MAP7: variants seen among roughly 807,000 people sequenced by gnomAD.
MAP7 encodes microtubule associated protein 7, also known as ensconsin.
A neutral mutation model predicts 94.8 loss-of-function variants in MAP7; 52 were observed. The observed-to-expected ratio is 0.55, with a 90% CI of 0.44 to 0.69. MAP7 has a LOEUF of 0.69. Among genes scored for constraint, MAP7 ranks in the 30% least tolerant of loss-of-function variants. The probability of loss-of-function intolerance (pLI) is 0.00; values close to 1 mark genes in which losing one functional copy is unlikely to be tolerated. For synonymous variants in MAP7, 350 were observed against 357.0 expected, an observed-to-expected ratio of 0.98 and a Z score of 0.22; for missense variants, 940 against 964.6, an observed-to-expected ratio of 0.97 and a Z score of 0.34.
chr6:136,374,469 G>A (rs925723798), intron 7 of MAP7, among the ~76,000 whole-genome samples: 8 of 152,198 alleles, frequency 5.3e-5, no homozygotes, highest in African/African-American at 1.9e-4. Flanking sequence ...GGGCACAGCC[G>A]GAGGCCATTC....
At chr6:136,529,205 C>T (rs1400983438) in intron 1 of MAP7, among the ~76,000 whole-genome samples, 2 of 152,140 alleles carry the variant, frequency 1.3e-5, no homozygotes, top group African/African-American at 2.4e-5. Flanking sequence ...ACCTCCACCT[C>T]GCGGGTTCAA....
intron 1 of MAP7, among the ~76,000 whole-genome samples, chr6:136,512,254 T>G (rs1231586998): frequency 6.6e-6 from 1 of 152,230 alleles, no homozygotes; most frequent in Non-Finnish European, 1.5e-5. Flanking sequence ...AGGAACCAGA[T>G]TTGGGCTTCT....
At chr6:136,482,865 G>A (rs571373523) in intron 1 of MAP7, among the ~76,000 whole-genome samples, 25 of 152,154 alleles carry the variant, frequency 1.6e-4, no homozygotes, top group Middle Eastern at 3.4e-3. Context: ...TTTGCTTTTT[G>A]CTCCAGAACT....
At chr6:136,351,823 T>C (rs1789292748) in intron 16 of MAP7, among the ~76,000 whole-genome samples, 1 of 152,218 alleles carries the variant, frequency 6.6e-6, no homozygotes, top group South Asian at 2.1e-4. Flanking sequence ...GGAGAGACAC[T>C]GCAGCAGAGT....
At chr6:136,541,938 AG>A (rs951376992) in intron 1 of MAP7, among the ~76,000 whole-genome samples, 8 of 152,184 alleles carry the variant, frequency 5.3e-5, no homozygotes, top group African/African-American at 1.9e-4. Flanking sequence ...GGGCACCTGT[AG>A]TCCCGGCTAC....
In MAP7 at chr6:136,361,087, C is replaced by T. The variant is rs750601098; in HGVS notation, c.1619G>A (p.Arg540Gln). 13 of 1,603,806 alleles carry T rather than the reference C, an allele frequency of 8.1e-6. No homozygotes were observed. Among genetic ancestry groups the T allele is most frequent in the East Asian group, 2.2e-5 (1 of 44,872 alleles). The change falls in exon 12 of 18, where the codon CGG (arginine) becomes CAG (glutamine). Residue 540 changes from arginine to glutamine, a missense_variant. Coordinates refer to ENST00000354570, the MANE Select transcript of MAP7 (RefSeq NM_003980.6). ...ESRRLEAEQA[R>Q]EKEEQLQRQA... ...CCGCTGCAGCTGCTCCTCCTTCTCC[C>T]GGGCCTGCTCGGCTTCCAGCCTGCG...
At chr6:136,394,562 C>A (rs1314533282) in intron 3 of MAP7, among the ~76,000 whole-genome samples, 1 of 151,768 alleles carries the variant, frequency 6.6e-6, no homozygotes, top group Non-Finnish European at 1.5e-5. Flanking sequence ...ACATTTATTA[C>A]TTCTTTGTGT....
At chr6:136,465,098 A>C (rs1235782506) in intron 1 of MAP7, among the ~76,000 whole-genome samples, 1 of 152,198 alleles carries the variant, frequency 6.6e-6, no homozygotes, top group African/African-American at 2.4e-5. Context: ...GAGTACACAC[A>C]CAGCTGCGAA....
At chr6:136,475,118 A>G (rs1402635876) in intron 1 of MAP7, among the ~76,000 whole-genome samples, 3 of 152,130 alleles carry the variant, frequency 2.0e-5, no homozygotes, top group Non-Finnish European at 4.4e-5. Context: ...AGTTATTTCA[A>G]TTTTTACTAT....
chr6:136,524,381 T>C (rs923586755), intron 1 of MAP7, among the ~76,000 whole-genome samples: 2 of 152,364 alleles, frequency 1.3e-5, no homozygotes, highest in Admixed American at 1.3e-4. Context: ...TCAACAAATC[T>C]ACATTAATTT....
At chr6:136,414,284 A>T in intron 2 of MAP7, among the ~76,000 whole-genome samples, 1 of 137,304 alleles carries the variant, frequency 7.3e-6, no homozygotes, top group East Asian at 2.2e-4. Flanking sequence ...AAAAAAAAAA[A>T]TTGGTTAAAT....
At chr6:136,406,494 T>C (rs570832438) in intron 3 of MAP7, among the ~76,000 whole-genome samples, 22 of 152,274 alleles carry the variant, frequency 1.4e-4, no homozygotes, top group African/African-American at 5.3e-4. Context: ...ACATGGACTG[T>C]GGTGATCCTG....
intron 16 of MAP7, among the ~76,000 whole-genome samples, chr6:136,351,249 A>C (rs6899964): frequency 0.74 from 110,167 of 149,592 alleles, 41,538 homozygotes; most frequent in Middle Eastern, 0.85. Flanking sequence ...AAAAAAAAAA[A>C]AAAACGAAAA....
In MAP7 at chr6:136,487,129, T is replaced by C. The variant is rs111707624; in HGVS notation, c.67+63213A>G. ...TTTCTTTGCCCATGACATTGACAAG[T>C]GGTGGGGAGAGGTGGAAAAGTATGT... On this transcript the variant is annotated intron_variant, in intron 1 of 17. Coordinates refer to ENST00000354570, the MANE Select transcript of MAP7 (RefSeq NM_003980.6). 2.3e-3 allele frequency among the ~76,000 whole-genome samples: 355 copies of C among 152,090 alleles called. 4 individuals are homozygous for C. The highest frequency in any genetic ancestry group is 8.2e-3 in the African/African-American group (341 of 41,470).
chr6:136,407,100 ATAGT>A (rs1368039130), intron 3 of MAP7, among the ~76,000 whole-genome samples: 3 of 152,262 alleles, frequency 2.0e-5, no homozygotes, highest in African/African-American at 7.2e-5. Flanking sequence ...TGCCTGGCCC[ATAGT>A]TAGTGCTCAA....
At chr6:136,370,199 A>G (rs1054600685) in intron 8 of MAP7, among the ~76,000 whole-genome samples, 41 of 152,240 alleles carry the variant, frequency 2.7e-4, no homozygotes, top group African/African-American at 9.9e-4. Context: ...CATTAAAGAA[A>G]TGCAAACCAA....
intron 5 of MAP7, 115 bp downstream of exon 5, chr6:136,388,278 G>A (rs963063081): frequency 1.3e-6 from 1 of 767,292 alleles, no homozygotes; most frequent in Admixed American, 2.3e-5. Flanking sequence ...TTTCATTGTT[G>A]TTTAATTATT....
At chr6:136,474,348 G>A (rs1022665097) in intron 1 of MAP7, among the ~76,000 whole-genome samples, 1 of 152,162 alleles carries the variant, frequency 6.6e-6, no homozygotes, top group African/African-American at 2.4e-5. Flanking sequence ...TAGAAGTCAG[G>A]GTGTACACGG....
intron 3 of MAP7, among the ~76,000 whole-genome samples, chr6:136,396,427 A>G (rs898797487): frequency 6.6e-6 from 1 of 152,118 alleles, no homozygotes; most frequent in Admixed American, 6.5e-5. Flanking sequence ...TTACTGAATT[A>G]ATTTATCCAT....
Sources: gnomAD v4.1 joint callset for allele counts (sites outside exome capture counted in the v4.1 genomes callset) on GRCh38, gnomAD v4.1.1 for gene constraint, MANE v1.5 for transcripts, NCBI Gene and HGNC (gene_info 2026-07-23, HGNC 2026-07-21) for gene names.